The following GNAQ variants were observed in gnomAD, a reference collection of about 807,000 sequenced individuals.
The protein encoded by GNAQ is G protein subunit alpha q.
A neutral mutation model predicts 43.9 loss-of-function variants in GNAQ; 8 were observed. That is an observed-to-expected ratio of 0.18 (90% CI 0.11 to 0.33). The LOEUF (loss-of-function observed/expected upper bound fraction) is 0.33, where lower values mean the gene tolerates loss of function less well. Ranked by LOEUF, GNAQ falls within the 10% of genes least tolerant of loss-of-function variation. The probability of loss-of-function intolerance (pLI) is 1.00; values close to 1 mark genes in which losing one functional copy is unlikely to be tolerated. For synonymous variants in GNAQ, 155 were observed against 170.7 expected (o/e 0.91, Z 0.71); for missense variants, 158 against 450.8 (o/e 0.35, Z 5.88).
intron 4 of GNAQ, among the ~76,000 whole-genome samples, chr9:77,797,086 G>C (rs989652127): frequency 6.6e-6 from 1 of 152,070 alleles, no homozygotes; most frequent in Non-Finnish European, 1.5e-5. Flanking sequence ...AGGCTGGAGT[G>C]CAGTGGCGCA....
At chr9:77,807,202 G>A (rs1321493129) in intron 3 of GNAQ, among the ~76,000 whole-genome samples, 1 of 152,132 alleles carries the variant, frequency 6.6e-6, no homozygotes, top group Non-Finnish European at 1.5e-5. Flanking sequence ...CTTGGGAAGT[G>A]GGGAGTCAAA....
At chr9:78,005,723 A>C (rs538604988) in intron 1 of GNAQ, among the ~76,000 whole-genome samples, 4 of 152,052 alleles carry the variant, frequency 2.6e-5, no homozygotes, top group African/African-American at 9.6e-5. Context: ...AGCCCAGAGC[A>C]CTCCACCTTA....
chr9:77,940,843 T>C lies in GNAQ; in HGVS notation c.137-18498A>G, dbSNP rs1281787685. On this transcript the variant is annotated intron_variant, in intron 1 of 6. Coordinates refer to ENST00000286548, the MANE Select transcript of GNAQ (RefSeq NM_002072.5). ...TTAGCCGGGCGTGGTGGCAGACGCC[T>C]GTAGTCCCAGCTACTTGGGAGACTG... Among the ~76,000 whole-genome samples, 4 of 151,712 alleles carry C rather than the reference T, an allele frequency of 2.6e-5. No homozygotes were observed. The East Asian group carries it at 7.9e-4, about 30-fold the overall frequency.
intron 5 of GNAQ, among the ~76,000 whole-genome samples, chr9:77,752,507 C>T (rs1308901450): frequency 6.6e-6 from 1 of 152,206 alleles, no homozygotes; most frequent in African/African-American, 2.4e-5. Flanking sequence ...CACATCCAAT[C>T]TCCTCTTTTT....
At chr9:77,733,436 C>A (rs3780299) in intron 5 of GNAQ, among the ~76,000 whole-genome samples, 1 of 152,080 alleles carries the variant, frequency 6.6e-6, no homozygotes. Context: ...TGAGCCCCTA[C>A]ACAAATGGTC....
intron 2 of GNAQ, among the ~76,000 whole-genome samples, chr9:77,867,044 G>A (rs1827961602): frequency 6.6e-6 from 1 of 152,160 alleles, no homozygotes; most frequent in South Asian, 2.1e-4. Context: ...AGTGTGTTCT[G>A]AACATCCTTT....
At chr9:77,979,220 G>A (rs1284452901) in intron 1 of GNAQ, among the ~76,000 whole-genome samples, 2 of 152,014 alleles carry the variant, frequency 1.3e-5, no homozygotes, top group Non-Finnish European at 1.5e-5. Flanking sequence ...ACCAGGTACG[G>A]TGGCGGATGC....
At chr9:77,979,338 A>G (rs950600997) in intron 1 of GNAQ, among the ~76,000 whole-genome samples, 6 of 149,356 alleles carry the variant, frequency 4.0e-5, no homozygotes, top group Non-Finnish European at 5.9e-5. Context: ...CCTGGGCAAC[A>G]AGAGCGAGAC....
chr9:77,980,799 A>G (rs914613365), intron 1 of GNAQ, among the ~76,000 whole-genome samples: 2 of 152,212 alleles, frequency 1.3e-5, no homozygotes, highest in African/African-American at 4.8e-5. Flanking sequence ...ATACTCCCAC[A>G]CTTTGATACA....
intron 1 of GNAQ, among the ~76,000 whole-genome samples, chr9:77,976,703 T>G (rs1199292430): frequency 6.6e-6 from 1 of 152,252 alleles, no homozygotes; most frequent in Admixed American, 6.5e-5. Flanking sequence ...GCTTGTTTTT[T>G]AATTCTAGAC....
At chr9:77,741,534 T>A (rs988648845) in intron 5 of GNAQ, among the ~76,000 whole-genome samples, 3 of 152,202 alleles carry the variant, frequency 2.0e-5, no homozygotes, top group Admixed American at 1.3e-4. Context: ...TCCATTTTCT[T>A]TCTTCCCACG....
intron 2 of GNAQ, among the ~76,000 whole-genome samples, chr9:77,904,855 T>A (rs892748101): frequency 6.6e-6 from 1 of 151,772 alleles, no homozygotes; most frequent in Non-Finnish European, 1.5e-5. Flanking sequence ...AGATTCTATA[T>A]GGGATCATTT....
In GNAQ at chr9:77,924,494, C is replaced by T. The variant is rs535495995; in HGVS notation, c.137-2149G>A. On this transcript the variant is annotated intron_variant, in intron 1 of 6. Transcript: ENST00000286548. The stretch of plus-strand genomic sequence containing the variant: ...CCTAATTTGTGAGGTTAATATCAGG[C>T]AACAGGACCTTTTTTCTCCTGGTCA... Among the ~76,000 whole-genome samples, 8 of 152,270 alleles carry T rather than the reference C, an allele frequency of 5.3e-5. No homozygotes were observed. In the East Asian group the frequency reaches 1.5e-3, roughly 29 times the overall value.
At chr9:78,030,766 G>A (rs1237911292) in intron 1 of GNAQ, among the ~76,000 whole-genome samples, 1 of 152,038 alleles carries the variant, frequency 6.6e-6, no homozygotes, top group Non-Finnish European at 1.5e-5. Context: ...GCCTCTGGTC[G>A]GAGTGATCTG....
intron 1 of GNAQ, among the ~76,000 whole-genome samples, chr9:78,000,356 G>A (rs954238585): frequency 6.6e-6 from 1 of 152,126 alleles, no homozygotes; most frequent in Non-Finnish European, 1.5e-5. Context: ...GAACTTTCAG[G>A]TGTCTACACA....
chr9:77,895,914 C>T lies in GNAQ; in HGVS notation c.321+26247G>A, dbSNP rs560067811. On this transcript the variant is annotated intron_variant, in intron 2 of 6. Transcript: ENST00000286548. ...ATATGATTTGCTTCTCCTTGCCTTC[C>T]GCCACGATTGTGAGGCCTCCCCAGT... Among the ~76,000 whole-genome samples the T allele has an allele frequency of 4.6e-5, 7 of 152,214 alleles. No homozygotes were observed. In the East Asian group the frequency reaches 5.8e-4, roughly 13 times the overall value.
chr9:78,018,031 T>C (rs1823860627), intron 1 of GNAQ, among the ~76,000 whole-genome samples: 2 of 152,164 alleles, frequency 1.3e-5, no homozygotes, highest in South Asian at 4.1e-4. Context: ...TGTAAAATTT[T>C]TCATATCCTC....
At chr9:77,948,436 G>A (rs1267528718) in intron 1 of GNAQ, among the ~76,000 whole-genome samples, 2 of 152,170 alleles carry the variant, frequency 1.3e-5, no homozygotes, top group Non-Finnish European at 2.9e-5. Context: ...AAGGGAGACT[G>A]AGGCCTGACA....
intron 1 of GNAQ, among the ~76,000 whole-genome samples, chr9:77,946,705 T>C (rs546659070): frequency 6.6e-6 from 1 of 152,350 alleles, no homozygotes; most frequent in East Asian, 1.9e-4. Flanking sequence ...ACAATAACAG[T>C]GTATTTCTGA....
Sources: gnomAD v4.1 joint callset for allele counts (sites outside exome capture counted in the v4.1 genomes callset) on GRCh38, gnomAD v4.1.1 for gene constraint, MANE v1.5 for transcripts, NCBI Gene and HGNC (gene_info 2026-07-23, HGNC 2026-07-21) for gene names.